The following DPP6 variants were observed in gnomAD, a reference collection of about 807,000 sequenced individuals.
The protein encoded by DPP6 is dipeptidyl peptidase like 6, also known as A-type potassium channel modulatory protein DPP6.
In DPP6, 69 loss-of-function variants were observed where a neutral mutation model predicts 122.6. The observed-to-expected ratio is 0.56, with a 90% confidence interval of 0.46 to 0.69. The LOEUF is 0.69. DPP6 is among the 30% of genes least tolerant of loss of function. The pLI is 0.00. For synonymous variants in DPP6, 418 were observed against 433.1 expected, an observed-to-expected ratio of 0.97 and a Z score of 0.43; for missense variants, 928 against 1,116.9, an observed-to-expected ratio of 0.83 and a Z score of 2.41.
chr7:154,733,259 G>C (rs942873489), intron 8 of DPP6, among the ~76,000 whole-genome samples: 13 of 152,234 alleles, frequency 8.5e-5, no homozygotes, highest in African/African-American at 2.9e-4. Flanking sequence ...TGCCTCTTGA[G>C]TTGGAACTCA....
chr7:154,394,951 G>T (rs1001102989), intron 1 of DPP6, among the ~76,000 whole-genome samples: 8 of 152,162 alleles, frequency 5.3e-5, no homozygotes, highest in Admixed American at 5.2e-4. Flanking sequence ...CGATAGAGAT[G>T]GTGTTGAGTC....
chr7:154,548,057 A>G (rs1448869717), intron 4 of DPP6, among the ~76,000 whole-genome samples: 1 of 151,706 alleles, frequency 6.6e-6, no homozygotes, highest in Non-Finnish European at 1.5e-5. Flanking sequence ...AAAAATAAAA[A>G]AATTAGTGTG....
At chr7:154,489,245 T>G (rs953092870) in intron 3 of DPP6, among the ~76,000 whole-genome samples, 3 of 152,200 alleles carry the variant, frequency 2.0e-5, no homozygotes, top group Non-Finnish European at 4.4e-5. Flanking sequence ...AAGTTGGGAT[T>G]CAGGGATATC....
chr7:154,029,652 CT>C (rs1326364037), intron 1 of DPP6, among the ~76,000 whole-genome samples: 8 of 146,706 alleles, frequency 5.5e-5, no homozygotes, highest in Middle Eastern at 4.0e-3. Flanking sequence ...CGAGACCATC[CT>C]GGCTAACATG....
At chr7:154,666,651 A>G (rs536376202) in intron 6 of DPP6, among the ~76,000 whole-genome samples, 1 of 151,946 alleles carries the variant, frequency 6.6e-6, no homozygotes, top group Admixed American at 6.6e-5. Context: ...CACCCCCCCA[A>G]TCCCTCCCAC....
chr7:153,918,453 C>G (rs1202719192), intron 1 of DPP6, among the ~76,000 whole-genome samples: 3 of 138,840 alleles, frequency 2.2e-5, no homozygotes, highest in Non-Finnish European at 3.1e-5. Context: ...CACACACACA[C>G]ACACACACAC....
chr7:153,935,057 G>T (rs1585054027), intron 1 of DPP6, among the ~76,000 whole-genome samples: 2 of 152,214 alleles, frequency 1.3e-5, no homozygotes. Context: ...CAGCCCCAGG[G>T]ATGGCGAATG....
At chr7:154,733,111 C>T (rs1842414372) in intron 8 of DPP6, among the ~76,000 whole-genome samples, 1 of 152,226 alleles carries the variant, frequency 6.6e-6, no homozygotes, top group Admixed American at 6.5e-5. Context: ...ACCTGGGAGC[C>T]CCCAAGAGAG....
rs2151300100 is a variant in DPP6 at position 154,452,111 on chromosome 7, C to CAG, written c.358+5783_358+5784insAG. ...CGACAGAGAATGCCTGCCAACAGAGCCAGCATGAATGATCCCGGCTAGGAG... is the reference window on the plus strand; with the variant it reads ...CGACAGAGAATGCCTGCCAACAGAGCAGCAGCATGAATGATCCCGGCTAGGAG... On this transcript the variant is annotated intron_variant, in intron 2 of 25. Transcript: ENST00000377770. Among the ~76,000 whole-genome samples the CAG allele has an allele frequency of 2.0e-5, 3 of 152,332 alleles. No homozygotes were observed. In the South Asian group the frequency reaches 6.2e-4, roughly 32 times the overall value.
chr7:154,613,393 G>A (rs1834027625), intron 5 of DPP6, among the ~76,000 whole-genome samples: 1 of 152,060 alleles, frequency 6.6e-6, no homozygotes, highest in South Asian at 2.1e-4. Context: ...GCTGAGGCAG[G>A]CAGATCACCT....
the DPP6 span, among the ~76,000 whole-genome samples, chr7:153,824,065 C>G: frequency 6.6e-6 from 1 of 152,190 alleles, no homozygotes; most frequent in Non-Finnish European, 1.5e-5. Flanking sequence ...GTGGTCCTCC[C>G]TTTTCAATTT....
chr7:154,742,878 C>A (rs972027180), intron 8 of DPP6, among the ~76,000 whole-genome samples: 3 of 151,652 alleles, frequency 2.0e-5, no homozygotes, highest in Admixed American at 6.6e-5. Context: ...GACTTACGGG[C>A]AAAGGGCAGA....
intron 1 of DPP6, among the ~76,000 whole-genome samples, chr7:154,299,453 C>A (rs539851464): frequency 1.3e-5 from 2 of 152,358 alleles, no homozygotes; most frequent in African/African-American, 4.8e-5. Flanking sequence ...CCAGAAAACT[C>A]ATCCACAGTT....
chr7:153,798,100 C>T, the DPP6 span, among the ~76,000 whole-genome samples: 10 of 152,124 alleles, frequency 6.6e-5, no homozygotes, highest in Admixed American at 2.0e-4. Context: ...CCTCGGCCTC[C>T]CAAAGTGCTG....
At chr7:154,550,771 A>T (rs1394393867) in intron 4 of DPP6, among the ~76,000 whole-genome samples, 3 of 134,766 alleles carry the variant, frequency 2.2e-5, no homozygotes, top group African/African-American at 8.2e-5. Context: ...TTTTTTTGAG[A>T]CGAAGTTTTG....
chr7:154,885,434 C>T (rs987062546), intron 21 of DPP6, 199 bp from the exon 22 acceptor site: 6 of 663,582 alleles, frequency 9.0e-6, no homozygotes, highest in African/African-American at 3.6e-5. Flanking sequence ...AGGCGCACGT[C>T]GCATAATGCT....
intron 1 of DPP6, among the ~76,000 whole-genome samples, chr7:154,349,631 C>T (rs78478718): frequency 4.1e-4 from 63 of 152,274 alleles, no homozygotes; most frequent in Non-Finnish European, 7.6e-4. Flanking sequence ...AGGTTGTCTC[C>T]TGGAGATTGT....
At chr7:154,487,205 A>G (rs1355990833) in intron 3 of DPP6, among the ~76,000 whole-genome samples, 1 of 152,144 alleles carries the variant, frequency 6.6e-6, no homozygotes, top group Non-Finnish European at 1.5e-5. Context: ...GTATACGTAC[A>G]TATTTTTTTC....
At chr7:154,803,746 T>C (rs1587192710) in intron 13 of DPP6, 118 bp from the exon 14 acceptor site, 1 of 1,433,558 alleles carries the variant, frequency 7.0e-7, no homozygotes, top group South Asian at 1.4e-5. Flanking sequence ...AGAGAGCCCT[T>C]CCCACAGAGA....
Sources: allele counts gnomAD v4.1 joint callset (sites outside exome capture counted in the v4.1 genomes callset), GRCh38; gene constraint gnomAD v4.1.1; transcripts MANE v1.5; gene names NCBI Gene and HGNC (gene_info 2026-07-23, HGNC 2026-07-21).